NEXN: variants seen among roughly 807,000 people sequenced by gnomAD.
NEXN encodes nexilin F-actin binding protein.
A neutral mutation model predicts 92.6 loss-of-function variants in NEXN; 65 were observed. The ratio of observed to expected loss-of-function variants is 0.70; its 90% CI spans 0.57 to 0.86. The LOEUF (loss-of-function observed/expected upper bound fraction) is 0.86. NEXN is among the 40% of genes least tolerant of loss of function. The pLI is 0.00. For missense variants in NEXN, 778 were observed against 771.1 expected (o/e 1.01, Z -0.11); for synonymous variants, 254 against 242.5 (o/e 1.05, Z -0.44).
intron 9 of NEXN, among the ~76,000 whole-genome samples, chr1:77,930,058 C>T (rs1021943182): frequency 2.4e-4 from 36 of 152,212 alleles, no homozygotes; most frequent in African/African-American, 8.4e-4. Context: ...ACTTCCTATA[C>T]CAGTTTTATG....
chr1:77,890,855 T>G (rs1481661500), intron 1 of NEXN, among the ~76,000 whole-genome samples: 1 of 152,112 alleles, frequency 6.6e-6, no homozygotes, highest in African/African-American at 2.4e-5. Context: ...AGTCTAAACG[T>G]TTTTATAGAA....
chr1:77,935,318 G>C (rs570663409), intron 10 of NEXN, among the ~76,000 whole-genome samples: 1 of 152,134 alleles, frequency 6.6e-6, no homozygotes, highest in Admixed American at 6.5e-5. Flanking sequence ...GATTACAGGC[G>C]TGAGCCACTG....
intron 5 of NEXN, chr1:77,924,125 GC>G: frequency 6.0e-6 from 1 of 165,362 alleles, no homozygotes; most frequent in Non-Finnish European, 1.3e-5. Context: ...ACTTTGGGAG[GC>G]CAAGACACGC....
In NEXN at chr1:77,935,582, T is replaced by C. The variant is rs61778875; in HGVS notation, c.1252-241T>C. ...TGCATTTAGAGAAGAGGTTAAACTG[T>C]ATTTTTGGTTTCAAATAAGAAATAG... is the stretch of plus-strand genomic sequence containing the variant. On this transcript the variant is annotated intron_variant, in intron 10 of 12. Transcript: ENST00000334785. 0.015 allele frequency among the ~76,000 whole-genome samples: 2,315 copies of C among 152,168 alleles called. 39 individuals carry two copies. The highest frequency in any genetic ancestry group is 0.058 in the South Asian group (279 of 4,830).
rs5775432 is a variant in NEXN at position 77,943,338 on chromosome 1, T to TA, written c.*511dup. 0.016 allele frequency: 2,777 copies of TA among 176,780 alleles called. 87 individuals carry two copies. Among genetic ancestry groups the TA allele is most frequent in the African/African-American group, 0.063 (2,629 of 41,668 alleles). 11.0% of individuals were successfully genotyped at this position (176,780 alleles called of 1,614,324 possible). A position where few individuals can be genotyped will look rare whatever the true frequency, so the allele number is the denominator to read the frequency against. ...TAAAATTAGGCTGAAATAGCTGAGA[T>TA]AATTAATTTGGAACCTATCAATTTG... On this transcript the variant is annotated 3_prime_UTR_variant, in exon 13 of 13. Transcript: ENST00000334785.
chr1:77,917,472 A>G, intron 2 of NEXN, 94 bp from the exon 3 acceptor site: 1 of 926,570 alleles, frequency 1.1e-6, no homozygotes, highest in East Asian at 2.6e-5. Context: ...TGTTTCAATA[A>G]ATATTTTTTA....
At chr1:77,920,168 T>C (rs1649310740) in intron 5 of NEXN, among the ~76,000 whole-genome samples, 1 of 152,162 alleles carries the variant, frequency 6.6e-6, no homozygotes, top group South Asian at 2.1e-4. Flanking sequence ...CCCAAAATGA[T>C]TACAGGCATG....
At chr1:77,927,794 G>T (rs1254347287) in intron 8 of NEXN, among the ~76,000 whole-genome samples, 6 of 150,692 alleles carry the variant, frequency 4.0e-5, no homozygotes, top group African/African-American at 1.5e-4. Flanking sequence ...AAATGAAAGC[G>T]CCTACTTCTT....
At chr1:77,904,936 G>A (rs1168058375) in intron 1 of NEXN, among the ~76,000 whole-genome samples, 2 of 152,164 alleles carry the variant, frequency 1.3e-5, no homozygotes, top group African/African-American at 4.8e-5. Flanking sequence ...ATTTCTCAGT[G>A]CCCAGTAGAG....
At chr1:77,896,094 C>T (rs1036237283) in intron 1 of NEXN, among the ~76,000 whole-genome samples, 1 of 151,648 alleles carries the variant, frequency 6.6e-6, no homozygotes, top group Non-Finnish European at 1.5e-5. Context: ...TTGCTTGAAC[C>T]CAGGAGGCAA....
At position 77,935,990 on chromosome 1, in the gene NEXN, A is replaced by G. The variant is rs140900323; in HGVS notation, c.1419A>G (p.Arg473=). The G allele has an allele frequency of 2.7e-5, 43 of 1,613,890 alleles. No individual in the cohort carries two copies. The highest frequency in any genetic ancestry group is 5.0e-5 in the Admixed American group (3 of 60,002). Residue 473 remains arginine, a synonymous_variant, in exon 11 of 13, where the codon AGA becomes AGG. Transcript: ENST00000334785. ...AAAAAATAGAAGAAGAGCGAGCAAG[A>G]AGGAGAGCAATTGACCTTGAAATTA... ...IQKKIEEERA[R]RRAIDLEIKE...
intron 2 of NEXN, among the ~76,000 whole-genome samples, chr1:77,916,478 T>C (rs1648984636): frequency 6.6e-6 from 1 of 152,162 alleles, no homozygotes; most frequent in Non-Finnish European, 1.5e-5. Context: ...CCTATACTCA[T>C]AGGAGAAAAC....
At chr1:77,911,507 G>A (rs1049600024) in intron 1 of NEXN, among the ~76,000 whole-genome samples, 13 of 151,516 alleles carry the variant, frequency 8.6e-5, no homozygotes, top group Admixed American at 5.3e-4. Context: ...CAGGAGAATC[G>A]CTTGAACCCA....
intron 5 of NEXN, among the ~76,000 whole-genome samples, chr1:77,921,374 G>C (rs1297511857): frequency 6.6e-6 from 1 of 152,156 alleles, no homozygotes; most frequent in Non-Finnish European, 1.5e-5. Context: ...AAAGAAAGTT[G>C]AGTTAATAAA....
At chr1:77,922,981 T>C (rs1649552685) in intron 5 of NEXN, among the ~76,000 whole-genome samples, 2 of 151,658 alleles carry the variant, frequency 1.3e-5, no homozygotes, top group Non-Finnish European at 2.9e-5. Context: ...CAGAATAATT[T>C]ATTTTTCAAG....
Position 77,926,337 on chromosome 1 carries a change from C to G in NEXN, c.490-77C>G, listed in dbSNP as rs546456993. 5.3e-4 allele frequency: 486 copies of G among 921,702 alleles called. 1 individual carries two copies. Among genetic ancestry groups the G allele is most frequent in the Non-Finnish European group, 7.9e-4 (461 of 581,504 alleles). The allele number at this position is 921,702 out of a possible 1,614,324, so 57.1% of individuals were successfully genotyped here. ...TTGATGACAGTGTAATGAAATTCACCTATGATGGAGGTAAAGTCCCATGAA... is the reference window on the plus strand; with the variant it reads ...TTGATGACAGTGTAATGAAATTCACGTATGATGGAGGTAAAGTCCCATGAA... On this transcript the variant is annotated intron_variant, in intron 6 of 12. Transcript: ENST00000334785.
At position 77,933,306 on chromosome 1, in the gene NEXN, A is replaced by T; in HGVS notation, c.1078A>T (p.Met360Leu). 6.2e-7 allele frequency: 1 copy of T among 1,603,886 alleles called. No homozygotes were observed. ...GGTAGTAGATGATGACTCCCCAGAG[A>T]TGTATAAGACAATCTCTCAAGAATT... ...NMVVDDDSPE[M>L]YKTISQEFLT... Residue 360 changes from methionine (M) to leucine (L), a missense_variant, in exon 10 of 13, where the codon ATG becomes TTG. Physicochemically the swap from Met to Leu is conservative, Grantham distance 15. Around this residue, in one of 3 missense-constraint regions of NEXN, gnomAD observed 532 missense variants for 476.7 expected, o/e 1.12. Coordinates refer to ENST00000334785, the MANE Select transcript of NEXN (RefSeq NM_144573.4).
chr1:77,905,835 T>G (rs936727119), intron 1 of NEXN, among the ~76,000 whole-genome samples: 4 of 151,696 alleles, frequency 2.6e-5, no homozygotes, highest in Non-Finnish European at 5.9e-5. Flanking sequence ...TGAGTAGGAG[T>G]TAGCTGAGTG....
intron 1 of NEXN, among the ~76,000 whole-genome samples, chr1:77,894,318 C>T (rs1361555444): frequency 6.6e-6 from 1 of 152,042 alleles, no homozygotes; most frequent in Non-Finnish European, 1.5e-5. Flanking sequence ...ATCACTACTT[C>T]GTATAGGTGA....
Sources: allele counts gnomAD v4.1 joint callset (sites outside exome capture counted in the v4.1 genomes callset), GRCh38; gene constraint gnomAD v4.1.1; regional missense constraint gnomAD v4.1.1; transcripts MANE v1.5; gene names NCBI Gene and HGNC (gene_info 2026-07-23, HGNC 2026-07-21).